The following GLDC variants were observed in gnomAD, a reference collection of about 807,000 sequenced individuals.
GLDC encodes the protein glycine decarboxylase.
A neutral mutation model predicts 121.3 loss-of-function variants in GLDC; 104 were observed. The observed-to-expected ratio is 0.86, with a 90% CI of 0.73 to 1.01. The LOEUF (loss-of-function observed/expected upper bound fraction) is 1.01, where lower values mean the gene tolerates loss of function less well. Among genes scored for constraint, GLDC ranks in the 50% least tolerant of loss-of-function variants. GLDC has a pLI of 0.00. For missense variants in GLDC, 1,429 were observed against 1,306.6 expected (o/e 1.09, Z -1.44); for synonymous variants, 546 against 480.6 (o/e 1.14, Z -1.78).
At chr9:6,581,874 T>C (rs1818176059) in intron 15 of GLDC, among the ~76,000 whole-genome samples, 1 of 152,014 alleles carries the variant, frequency 6.6e-6, no homozygotes, top group African/African-American at 2.4e-5. Flanking sequence ...GAAAAGGAAA[T>C]TCATGGAATG....
intron 8 of GLDC, among the ~76,000 whole-genome samples, chr9:6,596,703 A>G (rs894224143): frequency 2.5e-4 from 38 of 152,382 alleles, no homozygotes; most frequent in African/African-American, 8.7e-4. Context: ...ATCACTTGAC[A>G]TCCAATAGGA....
chr9:6,619,039 A>G (rs915397428), intron 3 of GLDC, among the ~76,000 whole-genome samples: 7 of 149,628 alleles, frequency 4.7e-5, no homozygotes, highest in Non-Finnish European at 8.9e-5. Flanking sequence ...GCTACTCGGG[A>G]GGCTGAGGCA....
chr9:6,551,177 T>C, intron 20 of GLDC, among the ~76,000 whole-genome samples: 1 of 152,260 alleles, frequency 6.6e-6, no homozygotes, highest in East Asian at 1.9e-4. Context: ...GCAAGCTGAC[T>C]ACTGACTACT....
At chr9:6,611,732 A>T (rs1327047473) in intron 3 of GLDC, among the ~76,000 whole-genome samples, 1 of 152,096 alleles carries the variant, frequency 6.6e-6, no homozygotes, top group Admixed American at 6.6e-5. Context: ...AATTCTTTGG[A>T]ACATTATTCT....
chr9:6,546,179 C>CA (rs1817384144), intron 21 of GLDC, among the ~76,000 whole-genome samples: 1 of 151,650 alleles, frequency 6.6e-6, no homozygotes, highest in Non-Finnish European at 1.5e-5. Flanking sequence ...TGCTCAATAT[C>CA]ATTGTCTTCC....
At position 6,532,827 on chromosome 9, in the gene GLDC, C is replaced by A; in HGVS notation, c.*190G>T. ...GTGGAAGCAGAATACCAAAGCAAAT[C>A]CGTCTTCCAACCATCAGCTTCGACT... On this transcript the variant is annotated 3_prime_UTR_variant, in exon 25 of 25. Coordinates refer to ENST00000321612, the MANE Select transcript of GLDC (RefSeq NM_000170.3). 1.6e-6 allele frequency: 1 copy of A among 610,572 alleles called. No individual in the cohort carries two copies. Among genetic ancestry groups the A allele is most frequent in the Non-Finnish European group, 2.9e-6 (1 of 339,894 alleles). 37.8% of individuals were successfully genotyped at this position (610,572 alleles called of 1,614,324 possible).
chr9:6,623,568 C>A (rs10815455), intron 2 of GLDC, among the ~76,000 whole-genome samples: 29,083 of 150,428 alleles, frequency 0.19, 3,197 homozygotes, highest in East Asian at 0.37. Flanking sequence ...TGTCCTATGA[C>A]CCTGCCAAAT....
intron 14 of GLDC, 131 bp from the exon 15 acceptor site, chr9:6,587,414 A>G (rs1466772142): frequency 1.4e-6 from 1 of 711,918 alleles, no homozygotes; most frequent in Non-Finnish European, 2.4e-6. Flanking sequence ...ACATATGTTA[A>G]TTTATTTAAG....
At position 6,620,267 on chromosome 9, in the gene GLDC, G is replaced by T; in HGVS notation, c.387C>A (p.Ile129=). 1 of 1,613,482 alleles carries T rather than the reference G, an allele frequency of 6.2e-7. No individual in the cohort carries two copies. Among genetic ancestry groups the T allele is most frequent in the Non-Finnish European group, 8.5e-7 (1 of 1,179,382 alleles). ...AGCCCATGCCAATATACGATCTCCA[G>T]ATCTGGTTTTTGCTTGAAATGGCAT... is the stretch of plus-strand genomic sequence containing the variant. ...TLHAISSKNQ[I]WRSYIGMGYY... Residue 129 remains isoleucine, a synonymous_variant, in exon 3 of 25, where the codon ATC becomes ATA. Transcript: ENST00000321612.
intron 17 of GLDC, among the ~76,000 whole-genome samples, chr9:6,556,775 CAG>C (rs777767873): frequency 6.1e-4 from 88 of 144,524 alleles, no homozygotes; most frequent in Non-Finnish European, 1.1e-3. Context: ...GCTTGGACAA[CAG>C]AGAGAGACTC....
At chr9:6,628,314 A>G (rs963418986) in intron 2 of GLDC, among the ~76,000 whole-genome samples, 2 of 152,224 alleles carry the variant, frequency 1.3e-5, no homozygotes, top group African/African-American at 4.8e-5. Context: ...GGGAAAAGGG[A>G]AAAAGAAAAC....
intron 3 of GLDC, among the ~76,000 whole-genome samples, chr9:6,615,077 G>A (rs974320416): frequency 2.0e-5 from 3 of 152,112 alleles, no homozygotes; most frequent in South Asian, 2.1e-4. Flanking sequence ...ATAACTAAAC[G>A]TCGCTCTAGC....
intron 1 of GLDC, 86 bp downstream of exon 1, chr9:6,645,159 G>T: frequency 1.5e-6 from 2 of 1,346,000 alleles, no homozygotes; most frequent in Non-Finnish European, 1.0e-6. Context: ...GCGCAGCAGA[G>T]CTCAGGGTAG....
In GLDC at chr9:6,602,222, G is replaced by A; in HGVS notation, c.1059-17C>T. On this transcript the variant is annotated splice_polypyrimidine_tract_variant and intron_variant, in intron 7 of 24. Transcript: ENST00000321612. ...GTGGCATCTCTACACCAAGAATAAG[G>A]CATCCAGTTAGCACAGATAATCACA... The A allele has an allele frequency of 1.4e-6, 2 of 1,445,880 alleles. No homozygotes were observed. Among genetic ancestry groups the A allele is most frequent in the Non-Finnish European group, 1.9e-6 (2 of 1,028,072 alleles). 89.6% of individuals were successfully genotyped at this position (1,445,880 alleles called of 1,614,324 possible).
At chr9:6,629,598 C>A (rs1315262967) in intron 2 of GLDC, among the ~76,000 whole-genome samples, 2 of 127,474 alleles carry the variant, frequency 1.6e-5, no homozygotes, top group African/African-American at 6.8e-5. Context: ...GTCAAGATAC[C>A]TGCTACAACT....
intron 21 of GLDC, 109 bp from the exon 22 acceptor site, chr9:6,540,255 A>G (rs1817227278): frequency 3.9e-6 from 3 of 774,144 alleles, no homozygotes; most frequent in Non-Finnish European, 6.9e-6. Flanking sequence ...TATGTGTATC[A>G]GCGAGGACCA....
In GLDC at chr9:6,587,111, C is replaced by T. The variant is rs146210093; in HGVS notation, c.1850+30G>A. On this transcript the variant is annotated intron_variant, in intron 15 of 24. Transcript: ENST00000321612. ...GTGTATGCTATACAAGAATAGATTG[C>T]TGAAACAATAAGAAAAGAAATGCCC... 77 of 1,594,512 alleles carry T rather than the reference C, an allele frequency of 4.8e-5. No homozygotes were observed. In the African/African-American group the frequency reaches 9.8e-4, roughly 20 times the overall value.
In GLDC at chr9:6,592,871, G is replaced by A. The variant is rs761957837; in HGVS notation, c.1381C>T (p.Arg461Trp). The A allele has an allele frequency of 9.3e-6, 15 of 1,613,676 alleles. No homozygotes were observed. Among genetic ancestry groups the A allele is most frequent in the South Asian group, 5.5e-5 (5 of 91,060 alleles). ...CTTACTGTGCCATCCTCAAAAAGCC[G>A]AAAATTGATCTGCCGCTGAGCGGCC... Reference protein sequence around the residue: ...GRAAQRQINFRLFEDGTLGIS... With the variant: ...GRAAQRQINFWLFEDGTLGIS... Residue 461 changes from arginine to tryptophan, a missense_variant, in exon 10 of 25, where the codon CGG (arginine) becomes TGG (tryptophan). Coordinates refer to ENST00000321612, the MANE Select transcript of GLDC (RefSeq NM_000170.3).
Position 6,645,422 on chromosome 9 carries a change from C to T in GLDC, c.78G>A (p.Ser26=), listed in dbSNP as rs915226152. 7.5e-7 allele frequency: 1 copy of T among 1,337,084 alleles called. No homozygotes were observed. Among genetic ancestry groups the T allele is most frequent in the Non-Finnish European group, 9.5e-7 (1 of 1,048,494 alleles). The allele number at this position is 1,337,084 out of a possible 1,614,324, so 82.8% of individuals were successfully genotyped here. ...GGCTCCGCGGCGCCCAGCACGGCCC[C>T]GATCCCCCAGCCAGGCGGCGGCCGC... is the stretch of plus-strand genomic sequence containing the variant. The part of the protein sequence containing the change: ...VGGGRRLAGG[S]GPCWAPRSRD... The change falls in exon 1 of 25, where the codon TCG becomes TCA. Residue 26 remains serine (S), a synonymous_variant. Transcript: ENST00000321612.
Sources: gnomAD v4.1 joint callset for allele counts (sites outside exome capture counted in the v4.1 genomes callset) on GRCh38, gnomAD v4.1.1 for gene constraint, MANE v1.5 for transcripts, NCBI Gene and HGNC (gene_info 2026-07-23, HGNC 2026-07-21) for gene names.